Variants in LUC7L observed in about 807,000 individuals in gnomAD.
LUC7L encodes LUC7 like.
A neutral mutation model predicts 51.1 loss-of-function variants in LUC7L; 29 were observed. The ratio of observed to expected loss-of-function variants is 0.57; its 90% CI spans 0.42 to 0.77. The LOEUF is 0.77. Among genes scored for constraint, LUC7L ranks in the 30% least tolerant of loss-of-function variants. LUC7L has a pLI of 0.00. For synonymous variants in LUC7L, 181 were observed against 180.7 expected (o/e 1.00, Z -0.01); for missense variants, 403 against 511.9 (o/e 0.79, Z 2.05).
chr16:199,342 T>A lies in LUC7L; in HGVS notation c.511-104A>T, dbSNP rs2049253127. The A allele has an allele frequency of 1.4e-6, 1 of 703,998 alleles. No individual in the cohort carries two copies. The allele number at this position is 703,998 out of a possible 1,614,324, so 43.6% of individuals were successfully genotyped here. A position where few individuals can be genotyped will look rare whatever the true frequency, so the allele number is the denominator to read the frequency against. ...TTGATAAGATGACAGAGGTGACTTT[T>A]AAACAAATATTAAAAAAACACAAAC... On this transcript the variant is annotated intron_variant, in intron 5 of 9. Transcript: ENST00000293872.
intron 3 of LUC7L, among the ~76,000 whole-genome samples, chr16:216,785 A>G (rs1032296278): frequency 9.9e-5 from 15 of 152,124 alleles, no homozygotes; most frequent in Non-Finnish European, 2.2e-4. Context: ...ACATTTTCAC[A>G]TAGGACAAAA....
At chr16:196,003 A>G (rs2049138192) in intron 6 of LUC7L, among the ~76,000 whole-genome samples, 1 of 152,226 alleles carries the variant, frequency 6.6e-6, no homozygotes, top group African/African-American at 2.4e-5. Flanking sequence ...CAAGCTTTCT[A>G]ACCAAGTTAA....
chr16:198,445 C>T (rs769686507), intron 6 of LUC7L, among the ~76,000 whole-genome samples: 2 of 152,120 alleles, frequency 1.3e-5, no homozygotes, highest in African/African-American at 4.8e-5. Context: ...ATGTGTGACA[C>T]TCTGTCTTGA....
chr16:223,126 G>C (rs927700781), intron 2 of LUC7L, among the ~76,000 whole-genome samples: 1 of 151,176 alleles, frequency 6.6e-6, no homozygotes, highest in Non-Finnish European at 1.5e-5. Context: ...TTGGGAGGCC[G>C]AGGCGGGCGG....
chr16:219,021 C>CGAA (rs1176145973), intron 3 of LUC7L, among the ~76,000 whole-genome samples: 1 of 151,428 alleles, frequency 6.6e-6, no homozygotes, highest in Non-Finnish European at 1.5e-5. Flanking sequence ...ATCACTGAGC[C>CGAA]GAAGAGGTCA....
chr16:206,013 T>C lies in LUC7L; in HGVS notation c.501A>G (p.Lys167=). The change falls in exon 5 of 10, where the codon AAA becomes AAG. Residue 167 remains lysine (K), a synonymous_variant. Transcript: ENST00000293872. ...MEVEKVRAKK[K]EAEEEYRNSM... ...CACTTATCTCACCAACCTCAGCTTC[T>C]TTTTTCTTCGCACGAACTTTTTCCA... is the stretch of plus-strand genomic sequence containing the variant. The C allele has an allele frequency of 6.2e-7, 1 of 1,611,640 alleles. No homozygotes were observed. Among genetic ancestry groups the C allele is most frequent in the Non-Finnish European group, 8.5e-7 (1 of 1,179,514 alleles).
chr16:220,673 T>C lies in LUC7L; in HGVS notation c.231A>G (p.Glu77=), dbSNP rs998153090. The change falls in exon 3 of 10, where the codon GAA becomes GAG. Residue 77 remains glutamate, a synonymous_variant. Transcript: ENST00000293872. ...CATCTAATTCAAAAAACAGGTCTCT[T>C]TCTTTACTTGCAATCTCATAATCTG... The part of the protein sequence containing the change: ...LRADYEIASK[E]RDLFFELDAM... The C allele has an allele frequency of 6.2e-7, 1 of 1,613,880 alleles. No individual in the cohort carries two copies. The highest frequency in any genetic ancestry group is 8.5e-7 in the Non-Finnish European group (1 of 1,179,800).
At chr16:195,610 G>C (rs1250880761) in intron 6 of LUC7L, among the ~76,000 whole-genome samples, 1 of 152,186 alleles carries the variant, frequency 6.6e-6, no homozygotes, top group African/African-American at 2.4e-5. Flanking sequence ...TTTTGGTAGA[G>C]ACAGGGTCTC....
intron 6 of LUC7L, among the ~76,000 whole-genome samples, chr16:197,207 C>CTTT (rs754309530): frequency 1.1e-3 from 91 of 80,364 alleles, no homozygotes; most frequent in Admixed American, 1.3e-3. Context: ...TGCACCCAGC[C>CTTT]TTTTTTTTTT....
At position 199,198 on chromosome 16, in the gene LUC7L, T is replaced by C; in HGVS notation, c.551A>G (p.Gln184Arg). 1 of 1,606,414 alleles carries C rather than the reference T, an allele frequency of 6.2e-7. No homozygotes were observed. ...GACCTCGCAGACACGCAGCTTTTGC[T>C]GCTGAAAACTGGATGCAGGCATGGA... ...RNSMPASSFQ[Q>R]QKLRVCEVCS... Residue 184 changes from glutamine to arginine, a missense_variant, in exon 6 of 10, where the codon CAG (glutamine) becomes CGG (arginine). Coordinates refer to ENST00000293872, the MANE Select transcript of LUC7L (RefSeq NM_201412.3).
intron 7 of LUC7L, among the ~76,000 whole-genome samples, chr16:191,809 C>G (rs1273980282): frequency 6.6e-6 from 1 of 152,232 alleles, no homozygotes; most frequent in African/African-American, 2.4e-5. Flanking sequence ...CGCACCACTG[C>G]ACTCCAGCCT....
At chr16:201,737 CTTTTTT>C (rs34083330) in intron 5 of LUC7L, among the ~76,000 whole-genome samples, 4 of 54,306 alleles carry the variant, frequency 7.4e-5, no homozygotes, top group African/African-American at 2.7e-4. Context: ...CCGCACCAGG[CTTTTTT>C]TTTTTTTTTT....
intron 2 of LUC7L, among the ~76,000 whole-genome samples, chr16:222,318 C>G (rs2049993002): frequency 7.6e-6 from 1 of 130,970 alleles, no homozygotes; most frequent in Non-Finnish European, 1.6e-5. Context: ...AAGAACATGT[C>G]TACATAACCA....
At chr16:214,804 G>A (rs919573259) in intron 3 of LUC7L, among the ~76,000 whole-genome samples, 4 of 152,114 alleles carry the variant, frequency 2.6e-5, no homozygotes, top group Non-Finnish European at 4.4e-5. Context: ...TGGATTACAG[G>A]CATGGACCAC....
intron 2 of LUC7L, among the ~76,000 whole-genome samples, chr16:223,134 C>T (rs1213297406): frequency 1.3e-5 from 2 of 150,834 alleles, no homozygotes; most frequent in African/African-American, 2.4e-5. Context: ...CCGAGGCGGG[C>T]GGATCACGAG....
In LUC7L at chr16:222,952, A is replaced by T. The variant is rs1321891419; in HGVS notation, c.157-2205T>A. 1.3e-3 allele frequency among the ~76,000 whole-genome samples: 140 copies of T among 105,758 alleles called. No individual in the cohort carries two copies. In the South Asian group the frequency reaches 0.016, roughly 12 times the overall value. The allele number at this position is 105,758 out of a possible 152,430, so 69.4% of individuals were successfully genotyped here. On this transcript the variant is annotated intron_variant, in intron 2 of 9. Coordinates refer to ENST00000293872, the MANE Select transcript of LUC7L (RefSeq NM_201412.3). ...GCTTTTTAAAGAGACCCCGTCTTTT[A>T]AAAAAAAAAAAAAAAAAAGAAAGGA...
At chr16:202,288 A>C (rs2049356186) in intron 5 of LUC7L, among the ~76,000 whole-genome samples, 1 of 152,092 alleles carries the variant, frequency 6.6e-6, no homozygotes, top group Non-Finnish European at 1.5e-5. Context: ...TTAAACAATC[A>C]GCTCTGAGGT....
At chr16:201,737 CTTTTTTTTT>C (rs34083330) in intron 5 of LUC7L, among the ~76,000 whole-genome samples, 1 of 54,308 alleles carries the variant, frequency 1.8e-5, no homozygotes, top group Non-Finnish European at 3.1e-5. Flanking sequence ...CCGCACCAGG[CTTTTTTTTT>C]TTTTTTTTTT....
At chr16:228,210 C>T (rs973028481) in intron 1 of LUC7L, 18 of 1,284,000 alleles carry the variant, frequency 1.4e-5, no homozygotes, top group Middle Eastern at 4.3e-4. Context: ...TGCAAGCATC[C>T]AGGATTAATG....
Sources: allele counts gnomAD v4.1 joint callset (sites outside exome capture counted in the v4.1 genomes callset), GRCh38; gene constraint gnomAD v4.1.1; transcripts MANE v1.5; gene names NCBI Gene and HGNC (gene_info 2026-07-23, HGNC 2026-07-21).